The following ERC2 variants were observed in gnomAD, a reference collection of about 807,000 sequenced individuals.
The protein encoded by ERC2 is ELKS/RAB6-interacting/CAST family member 2.
In ERC2, 42 loss-of-function variants were observed where a neutral mutation model predicts 114.8. The observed-to-expected ratio is 0.37, with a 90% CI of 0.29 to 0.47. The LOEUF (loss-of-function observed/expected upper bound fraction) is 0.47. Ranked by LOEUF, ERC2 falls within the 20% of genes least tolerant of loss-of-function variation. The pLI is 0.99. For missense variants in ERC2, 939 were observed against 1,150.7 expected (o/e 0.82, Z 2.66); for synonymous variants, 454 against 425.5 (o/e 1.07, Z -0.82).
intron 14 of ERC2, among the ~76,000 whole-genome samples, chr3:55,755,798 A>G (rs1156388464): frequency 1.3e-5 from 2 of 152,136 alleles, no homozygotes; most frequent in African/African-American, 2.4e-5. Context: ...GGAAACAGCA[A>G]TTTTTTAAAT....
intron 1 of ERC2, among the ~76,000 whole-genome samples, chr3:56,438,325 C>T (rs2062123409): frequency 6.6e-6 from 1 of 151,774 alleles, no homozygotes; most frequent in South Asian, 2.1e-4. Flanking sequence ...TTATCCCTCC[C>T]TAATTCCTGT....
intron 14 of ERC2, among the ~76,000 whole-genome samples, chr3:55,797,783 ATT>A (rs1296198827): frequency 6.6e-6 from 1 of 152,228 alleles, no homozygotes; most frequent in Non-Finnish European, 1.5e-5. Flanking sequence ...AAGAGAGTAG[ATT>A]TTAGGTGCTC....
chr3:56,095,811 C>G (rs2149793559), intron 6 of ERC2, among the ~76,000 whole-genome samples: 1 of 152,228 alleles, frequency 6.6e-6, no homozygotes, highest in East Asian at 1.9e-4. Flanking sequence ...GAGGAAATGG[C>G]CAGGACACAC....
chr3:55,714,414 T>A (rs1448372787), intron 15 of ERC2, among the ~76,000 whole-genome samples: 4 of 152,018 alleles, frequency 2.6e-5, no homozygotes, highest in African/African-American at 9.7e-5. Context: ...GTAACCAAAA[T>A]GTCCATATAT....
intron 17 of ERC2, among the ~76,000 whole-genome samples, chr3:55,639,947 T>C (rs774414340): frequency 2.4e-4 from 37 of 152,326 alleles, no homozygotes; most frequent in Non-Finnish European, 5.1e-4. Context: ...AGTCTCACCG[T>C]TGCCTCTAAT....
chr3:56,331,428 C>T (rs950409699), intron 2 of ERC2, among the ~76,000 whole-genome samples: 1 of 152,150 alleles, frequency 6.6e-6, no homozygotes, highest in African/African-American at 2.4e-5. Flanking sequence ...TCTCTCTCCC[C>T]CATTACAATA....
chr3:55,604,677 A>G (rs1408112358), intron 17 of ERC2, among the ~76,000 whole-genome samples: 7 of 152,168 alleles, frequency 4.6e-5, no homozygotes, highest in Non-Finnish European at 8.8e-5. Flanking sequence ...TACAAAGGGG[A>G]CTGCCTGGAG....
At chr3:55,975,200 A>C (rs1440422219) in intron 12 of ERC2, among the ~76,000 whole-genome samples, 1 of 152,186 alleles carries the variant, frequency 6.6e-6, no homozygotes, top group Non-Finnish European at 1.5e-5. Flanking sequence ...TAAAAAAAAA[A>C]AACATGAATT....
intron 14 of ERC2, among the ~76,000 whole-genome samples, chr3:55,797,901 T>G (rs556652568): frequency 6.6e-6 from 1 of 152,264 alleles, no homozygotes; most frequent in African/African-American, 2.4e-5. Flanking sequence ...AATTAAACTT[T>G]GGGGAATGAA....
At chr3:56,087,772 T>C (rs575948331) in intron 6 of ERC2, among the ~76,000 whole-genome samples, 1 of 152,314 alleles carries the variant, frequency 6.6e-6, no homozygotes, top group East Asian at 1.9e-4. Flanking sequence ...TTATTTCACA[T>C]TCAAAGCTTC....
chr3:55,998,719 T>C (rs2071795254), intron 10 of ERC2, among the ~76,000 whole-genome samples: 1 of 152,216 alleles, frequency 6.6e-6, no homozygotes, highest in Non-Finnish European at 1.5e-5. Context: ...GGGACTATAC[T>C]GTCCTGTAAT....
intron 17 of ERC2, among the ~76,000 whole-genome samples, chr3:55,580,553 A>G (rs184801823): frequency 1.4e-4 from 21 of 152,250 alleles, no homozygotes; most frequent in African/African-American, 5.1e-4. Context: ...TGCTTTCATA[A>G]GGGTGCTGGC....
chr3:55,783,302 G>A (rs2149057003), intron 14 of ERC2, among the ~76,000 whole-genome samples: 1 of 152,230 alleles, frequency 6.6e-6, no homozygotes, highest in African/African-American at 2.4e-5. Flanking sequence ...AACCAGCCTG[G>A]GCCTCAGTTT....
intron 6 of ERC2, among the ~76,000 whole-genome samples, chr3:56,103,583 T>C (rs2078476991): frequency 6.6e-6 from 1 of 152,054 alleles, no homozygotes; most frequent in African/African-American, 2.4e-5. Flanking sequence ...GCAGTCTCTG[T>C]AGATATTTTT....
intron 6 of ERC2, among the ~76,000 whole-genome samples, chr3:56,126,796 G>A (rs1191071711): frequency 1.4e-5 from 2 of 146,470 alleles, no homozygotes; most frequent in Non-Finnish European, 3.0e-5. Context: ...AAGAAAGAAG[G>A]AAAGGAAAGG....
intron 2 of ERC2, among the ~76,000 whole-genome samples, chr3:56,387,106 A>G (rs941975348): frequency 2.0e-5 from 3 of 152,220 alleles, no homozygotes; most frequent in African/African-American, 4.8e-5. Context: ...GAAGTGCACT[A>G]ATCTATAAGA....
At chr3:55,796,533 C>A (rs1382581966) in intron 14 of ERC2, among the ~76,000 whole-genome samples, 1 of 152,184 alleles carries the variant, frequency 6.6e-6, no homozygotes. Context: ...TCAAGCGATT[C>A]TCCTGCCTCA....
intron 2 of ERC2, among the ~76,000 whole-genome samples, chr3:56,432,643 A>T (rs975764520): frequency 6.6e-6 from 1 of 152,228 alleles, no homozygotes; most frequent in Admixed American, 6.5e-5. Context: ...TTTCCTATAG[A>T]TCACAAATGC....
At chr3:55,640,903 G>A (rs2060151280) in intron 17 of ERC2, among the ~76,000 whole-genome samples, 1 of 152,128 alleles carries the variant, frequency 6.6e-6, no homozygotes, top group South Asian at 2.1e-4. Context: ...CAGACTGTGG[G>A]GAGCGAACAC....
Sources: allele counts gnomAD v4.1 joint callset (sites outside exome capture counted in the v4.1 genomes callset), GRCh38; gene constraint gnomAD v4.1.1; transcripts MANE v1.5; gene names NCBI Gene and HGNC (gene_info 2026-07-23, HGNC 2026-07-21).